Variants in SGCZ observed in about 807,000 individuals in gnomAD.
SGCZ encodes sarcoglycan zeta, also known as zeta-sarcoglycan.
SGCZ carries 40 observed loss-of-function variants against 41.3 expected under a neutral mutation model. The observed-to-expected ratio is 0.97, with a 90% CI of 0.75 to 1.26. The LOEUF is 1.26. SGCZ is among the 50% of genes most tolerant of loss of function. The probability of loss-of-function intolerance (pLI) is 0.00; values close to 1 mark genes in which losing one functional copy is unlikely to be tolerated. For missense variants in SGCZ, 552 were observed against 369.8 expected, an observed-to-expected ratio of 1.49 and a Z score of -4.04; for synonymous variants, 206 against 137.5, an observed-to-expected ratio of 1.50 and a Z score of -3.49.
intron 1 of SGCZ, among the ~76,000 whole-genome samples, chr8:14,800,998 C>T (rs539161530): frequency 9.2e-5 from 14 of 152,208 alleles, no homozygotes; most frequent in East Asian, 5.8e-4. Context: ...AAACTAGCTC[C>T]GAATACCAGG....
chr8:14,543,335 G>A (rs115664471), intron 2 of SGCZ, among the ~76,000 whole-genome samples: 2,351 of 152,032 alleles, frequency 0.015, 55 homozygotes, highest in African/African-American at 0.054. Context: ...TCAAAATTGT[G>A]ATGTATATTA....
At chr8:14,647,262 T>A (rs80165950) in intron 1 of SGCZ, among the ~76,000 whole-genome samples, 1 of 151,954 alleles carries the variant, frequency 6.6e-6, no homozygotes, top group Non-Finnish European at 1.5e-5. Flanking sequence ...CCTTCTGTTA[T>A]AGGATATGCA....
chr8:14,335,370 C>T (rs1227432755), intron 2 of SGCZ, among the ~76,000 whole-genome samples: 1 of 152,066 alleles, frequency 6.6e-6, no homozygotes, highest in East Asian at 1.9e-4. Flanking sequence ...ATCTATCTCA[C>T]CCTTGAATTC....
intron 5 of SGCZ, among the ~76,000 whole-genome samples, chr8:14,121,466 T>TA (rs1366246744): frequency 6.6e-6 from 1 of 152,140 alleles, no homozygotes; most frequent in Non-Finnish European, 1.5e-5. Flanking sequence ...CCCGTTTAAT[T>TA]AATTGTTTTT....
Position 14,088,233 on chromosome 8 carries a change from G to T in SGCZ, c.*2210C>A, listed in dbSNP as rs1226087701. 6.6e-6 allele frequency among the ~76,000 whole-genome samples: 1 copy of T among 151,680 alleles called. No homozygotes were observed. The highest frequency in any genetic ancestry group is 1.9e-4 in the East Asian group (1 of 5,154). ...AGAGACTATTTTATTCAATACTTTTGCTGTGAAGTTGAGTAAACTGAAGCC... is the reference window on the plus strand; with the variant it reads ...AGAGACTATTTTATTCAATACTTTTTCTGTGAAGTTGAGTAAACTGAAGCC... On this transcript the variant is annotated 3_prime_UTR_variant, in exon 8 of 8. Coordinates refer to ENST00000382080, the MANE Select transcript of SGCZ (RefSeq NM_139167.4).
At chr8:14,315,432 T>A (rs995433203) in intron 3 of SGCZ, among the ~76,000 whole-genome samples, 1 of 152,034 alleles carries the variant, frequency 6.6e-6, no homozygotes, top group Admixed American at 6.6e-5. Context: ...AACTAAAAAG[T>A]TAAAACTCTA....
At chr8:14,822,851 C>G (rs1033796412) in intron 1 of SGCZ, among the ~76,000 whole-genome samples, 1 of 151,940 alleles carries the variant, frequency 6.6e-6, no homozygotes, top group Non-Finnish European at 1.5e-5. Flanking sequence ...CAGCGCAGCT[C>G]GTGACCAGCG....
chr8:15,109,941 T>C (rs1806980981), intron 1 of SGCZ, among the ~76,000 whole-genome samples: 1 of 152,194 alleles, frequency 6.6e-6, no homozygotes, highest in Non-Finnish European at 1.5e-5. Context: ...AAATATACAT[T>C]AAACTTTTAA....
intron 1 of SGCZ, among the ~76,000 whole-genome samples, chr8:15,155,373 T>C (rs1487726656): frequency 6.6e-6 from 1 of 152,232 alleles, no homozygotes; most frequent in Non-Finnish European, 1.5e-5. Context: ...ATACATTGTA[T>C]GCATGTATTG....
chr8:14,086,487 A>T lies in SGCZ; in HGVS notation c.*3956T>A, dbSNP rs1801526274. ...GTAGGAATTTTGAATGGAATAAAAC[A>T]GTTCAGCAATTAACCTCTGTGATCA... On this transcript the variant is annotated 3_prime_UTR_variant, in exon 8 of 8. Coordinates refer to ENST00000382080, the MANE Select transcript of SGCZ (RefSeq NM_139167.4). Among the ~76,000 whole-genome samples the T allele has an allele frequency of 6.6e-6, 1 of 151,742 alleles. No individual in the cohort carries two copies. The highest frequency in any genetic ancestry group is 2.1e-4 in the South Asian group (1 of 4,832).
chr8:14,314,989 T>C (rs546362814), intron 3 of SGCZ, among the ~76,000 whole-genome samples: 4 of 152,158 alleles, frequency 2.6e-5, no homozygotes, highest in South Asian at 2.1e-4. Flanking sequence ...AGTCCCATTA[T>C]GTCTAATGCT....
chr8:14,287,174 A>G (rs890966021), intron 3 of SGCZ, among the ~76,000 whole-genome samples: 1 of 151,654 alleles, frequency 6.6e-6, no homozygotes, highest in South Asian at 2.1e-4. Flanking sequence ...GTTGTTGCAA[A>G]TCATTTCCTG....
intron 2 of SGCZ, among the ~76,000 whole-genome samples, chr8:14,467,444 G>T (rs929717549): frequency 6.6e-6 from 1 of 151,946 alleles, no homozygotes; most frequent in Non-Finnish European, 1.5e-5. Flanking sequence ...CTTATATTTG[G>T]AGGACAGAAT....
intron 1 of SGCZ, among the ~76,000 whole-genome samples, chr8:14,789,729 C>T (rs992914135): frequency 6.6e-5 from 10 of 152,136 alleles, no homozygotes; most frequent in African/African-American, 2.4e-4. Flanking sequence ...TAGATCTCAT[C>T]ATGAGCATCT....
chr8:14,519,776 C>G (rs1021193738), intron 2 of SGCZ, among the ~76,000 whole-genome samples: 29 of 152,114 alleles, frequency 1.9e-4, no homozygotes, highest in African/African-American at 6.7e-4. Context: ...TGAAAGTAAT[C>G]ATGAGAAAAA....
At chr8:15,023,801 T>G (rs1374183124) in intron 1 of SGCZ, among the ~76,000 whole-genome samples, 1 of 152,194 alleles carries the variant, frequency 6.6e-6, no homozygotes, top group African/African-American at 2.4e-5. Context: ...CCATTTGGCC[T>G]GTGAGCCTGC....
chr8:14,117,084 A>G (rs559541547), intron 5 of SGCZ, among the ~76,000 whole-genome samples: 13 of 152,218 alleles, frequency 8.5e-5, no homozygotes, highest in African/African-American at 3.1e-4. Context: ...GATGGCATGT[A>G]TCTTTAAAGA....
At chr8:14,434,920 C>T (rs960745618) in intron 2 of SGCZ, among the ~76,000 whole-genome samples, 8 of 152,110 alleles carry the variant, frequency 5.3e-5, no homozygotes, top group South Asian at 2.1e-4. Context: ...AGCAAGTCCT[C>T]ACCAGACACC....
intron 1 of SGCZ, among the ~76,000 whole-genome samples, chr8:15,191,245 AC>A (rs1800527429): frequency 6.6e-6 from 1 of 152,114 alleles, no homozygotes; most frequent in Non-Finnish European, 1.5e-5. Context: ...ATTGTTCAAG[AC>A]TGAAAAATTC....
Sources: allele counts gnomAD v4.1 joint callset (sites outside exome capture counted in the v4.1 genomes callset), GRCh38; gene constraint gnomAD v4.1.1; transcripts MANE v1.5; gene names NCBI Gene and HGNC (gene_info 2026-07-23, HGNC 2026-07-21).